The following ABCA12 variants were observed in gnomAD, a reference collection of about 807,000 sequenced individuals.
ABCA12 encodes ATP binding cassette subfamily A member 12.
ABCA12 carries 156 observed loss-of-function variants against 293.5 expected under a neutral mutation model. That is an observed-to-expected ratio of 0.53 (90% CI 0.47 to 0.61). ABCA12 has a LOEUF of 0.61. Among genes scored for constraint, ABCA12 ranks in the 20% least tolerant of loss-of-function variants. The pLI is 0.00. For synonymous variants in ABCA12, 1,063 were observed against 1,108.0 expected (o/e 0.96, Z 0.81); for missense variants, 2,797 against 3,090.2 (o/e 0.91, Z 2.25).
chr2:215,112,034 T>C (rs1213617595), intron 1 of ABCA12, among the ~76,000 whole-genome samples: 5 of 152,258 alleles, frequency 3.3e-5, no homozygotes, highest in African/African-American at 1.2e-4. Context: ...CACTTCCCTA[T>C]TGGATAAGAC....
intron 8 of ABCA12, chr2:215,032,608 G>A (rs1264698576): frequency 6.6e-6 from 1 of 152,158 alleles, no homozygotes; most frequent in African/African-American, 2.4e-5. Context: ...AAGAGTAAGT[G>A]TGCAACAGCA....
intron 18 of ABCA12, among the ~76,000 whole-genome samples, chr2:215,009,088 T>C (rs1396585300): frequency 2.0e-5 from 3 of 152,004 alleles, no homozygotes; most frequent in Non-Finnish European, 4.4e-5. Flanking sequence ...TCCCTAACAA[T>C]GATAGATTGG....
At chr2:215,075,469 G>A in intron 2 of ABCA12, 1 of 661,140 alleles carries the variant, frequency 1.5e-6, no homozygotes, top group Middle Eastern at 2.4e-4. Flanking sequence ...AGGAGCGAGA[G>A]TCAAAAAGCA....
intron 1 of ABCA12, among the ~76,000 whole-genome samples, chr2:215,115,561 T>C (rs879930161): frequency 1.3e-5 from 2 of 152,204 alleles, no homozygotes; most frequent in African/African-American, 4.8e-5. Flanking sequence ...AGTGTAATTA[T>C]TTCACACTGT....
At chr2:215,127,631 T>A (rs1297992218) in intron 1 of ABCA12, among the ~76,000 whole-genome samples, 1 of 152,212 alleles carries the variant, frequency 6.6e-6, no homozygotes, top group African/African-American at 2.4e-5. Flanking sequence ...GCTTTTGGTG[T>A]CCATTTGCAT....
At position 214,932,697 on chromosome 2, in the gene ABCA12, A is replaced by G. The variant is rs1489863476; in HGVS notation, c.7725T>C (p.Ala2575=). The change falls in exon 53 of 53, where the codon GCT becomes GCC. Residue 2575 remains alanine (A), a synonymous_variant. Coordinates refer to ENST00000272895, the MANE Select transcript of ABCA12 (RefSeq NM_173076.3). ...FAKDQKSYET[A]DTSSQGSTIS... is the part of the protein sequence containing the mutation. The stretch of plus-strand genomic sequence containing the variant: ...TAGTGGAACCTTGGCTGCTGGTATC[A>G]GCAGTTTCATAGGACTTCTGGTCTT... 1 of 1,613,690 alleles carries G rather than the reference A, an allele frequency of 6.2e-7. No homozygotes were observed.
chr2:215,075,857 T>C, intron 2 of ABCA12: 1 of 391,730 alleles, frequency 2.6e-6, no homozygotes. Context: ...GTGAAATTTA[T>C]TGCTGGGATC....
chr2:215,082,145 C>T (rs1007031819), intron 2 of ABCA12, among the ~76,000 whole-genome samples: 2 of 146,824 alleles, frequency 1.4e-5, no homozygotes, highest in Admixed American at 7.0e-5. Context: ...CCTGGGTTCA[C>T]GCCATTCTCC....
intron 47 of ABCA12, chr2:214,947,767 T>C: frequency 1.7e-6 from 1 of 593,566 alleles, no homozygotes; most frequent in Non-Finnish European, 2.9e-6. Context: ...CTTTGGAGGC[T>C]CATTTTCAGA....
chr2:214,999,706 T>C (rs1011984447), intron 22 of ABCA12: 5 of 599,436 alleles, frequency 8.3e-6, no homozygotes, highest in African/African-American at 2.0e-5. Flanking sequence ...AGTTCACACA[T>C]AGTTCGGGCA....
intron 4 of ABCA12, among the ~76,000 whole-genome samples, chr2:215,053,032 G>A (rs942411573): frequency 2.6e-5 from 4 of 152,044 alleles, no homozygotes; most frequent in African/African-American, 7.2e-5. Context: ...TTGGGACACC[G>A]AAATCTGCTT....
chr2:214,968,706 A>C lies in ABCA12; in HGVS notation c.5778+14T>G. ...TCATTTGTATAACATTCCAGAAAAA[A>C]GATCAAAATTTACCTTGGCAAGTGT... On this transcript the variant is annotated intron_variant, in intron 38 of 52. Transcript: ENST00000272895. 2 of 1,611,560 alleles carry C rather than the reference A, an allele frequency of 1.2e-6. No individual in the cohort carries two copies. The highest frequency in any genetic ancestry group is 2.2e-5 in the South Asian group (2 of 91,054).
At chr2:215,106,258 C>G (rs1702462227) in intron 2 of ABCA12, among the ~76,000 whole-genome samples, 1 of 152,140 alleles carries the variant, frequency 6.6e-6, no homozygotes, top group South Asian at 2.1e-4. Context: ...GCATGGATCC[C>G]ACAAACCACT....
chr2:215,034,474 T>G (rs1258510697), intron 8 of ABCA12, among the ~76,000 whole-genome samples: 2 of 152,252 alleles, frequency 1.3e-5, no homozygotes, highest in South Asian at 2.1e-4. Context: ...ACAGAATAAG[T>G]GTGGATGGGG....
At chr2:215,050,946 C>G in intron 5 of ABCA12, 7 of 366,358 alleles carry the variant, frequency 1.9e-5, no homozygotes, top group Non-Finnish European at 2.3e-5. Flanking sequence ...AAATATGTAT[C>G]CATACATAGA....
intron 15 of ABCA12, chr2:215,013,456 C>A (rs1700418954): frequency 6.5e-6 from 1 of 152,936 alleles, no homozygotes; most frequent in South Asian, 2.1e-4. Context: ...CACCGCCCAT[C>A]TCTCAGTCAT....
intron 39 of ABCA12, chr2:214,962,989 T>G (rs1574945675): frequency 6.6e-6 from 1 of 151,998 alleles, no homozygotes; most frequent in Non-Finnish European, 1.5e-5. Flanking sequence ...GTTGATAACC[T>G]AACATCTTAA....
intron 22 of ABCA12, among the ~76,000 whole-genome samples, chr2:214,999,357 G>C (rs921841426): frequency 6.6e-6 from 1 of 152,186 alleles, no homozygotes; most frequent in Non-Finnish European, 1.5e-5. Flanking sequence ...AGGAGGACTA[G>C]TGTAGTACCA....
At chr2:214,996,738 G>A (rs1456312688) in intron 23 of ABCA12, among the ~76,000 whole-genome samples, 1 of 152,134 alleles carries the variant, frequency 6.6e-6, no homozygotes, top group Admixed American at 6.5e-5. Context: ...GCCTGATGCT[G>A]AACTAACAGA....
Sources: allele counts gnomAD v4.1 joint callset (sites outside exome capture counted in the v4.1 genomes callset), GRCh38; gene constraint gnomAD v4.1.1; transcripts MANE v1.5; gene names NCBI Gene and HGNC (gene_info 2026-07-23, HGNC 2026-07-21).